Variants in ZFHX3 observed in about 807,000 individuals in gnomAD.
ZFHX3 encodes zinc finger homeobox 3, also known as zinc finger homeobox protein 3.
Under a neutral mutation model 279.1 loss-of-function variants are expected in ZFHX3, and 42 were observed. The ratio of observed to expected loss-of-function variants is 0.15; its 90% CI spans 0.12 to 0.19. ZFHX3 has a LOEUF of 0.19. ZFHX3 is among the 10% of genes least tolerant of loss of function. ZFHX3 has a pLI of 1.00. For synonymous variants in ZFHX3, 2,293 were observed against 1,957.8 expected, an observed-to-expected ratio of 1.17 and a Z score of -4.52; for missense variants, 4,981 against 4,754.0, an observed-to-expected ratio of 1.05 and a Z score of -1.40.
intron 3 of ZFHX3, among the ~76,000 whole-genome samples, chr16:73,336,379 C>T (rs893614581): frequency 1.4e-5 from 2 of 146,702 alleles, no homozygotes; most frequent in Non-Finnish European, 1.5e-5. Context: ...TGGTCCTTAC[C>T]CTCCTCCCAC....
At chr16:73,134,815 G>A (rs781659713) in intron 6 of ZFHX3, among the ~76,000 whole-genome samples, 6 of 152,050 alleles carry the variant, frequency 3.9e-5, no homozygotes, top group Non-Finnish European at 7.4e-5. Context: ...GTAAGAGGAG[G>A]TGATGTTTGC....
At chr16:73,783,991 G>A (rs781476380) in intron 1 of ZFHX3, among the ~76,000 whole-genome samples, 3 of 152,112 alleles carry the variant, frequency 2.0e-5, no homozygotes, top group Non-Finnish European at 4.4e-5. Context: ...AACAAGGAAA[G>A]GAGACAGAAG....
At chr16:73,074,455 T>C (rs1261209074) in intron 8 of ZFHX3, among the ~76,000 whole-genome samples, 1 of 152,236 alleles carries the variant, frequency 6.6e-6, no homozygotes, top group Admixed American at 6.5e-5. Context: ...ATGTTACGGA[T>C]GACCCGCTTG....
At chr16:73,740,273 C>G (rs575054112) in intron 1 of ZFHX3, among the ~76,000 whole-genome samples, 2 of 152,260 alleles carry the variant, frequency 1.3e-5, no homozygotes, top group African/African-American at 4.8e-5. Context: ...ACTGGGCTTG[C>G]TTTGTGTCAT....
At chr16:73,657,049 A>G (rs1433517142) in intron 2 of ZFHX3, among the ~76,000 whole-genome samples, 2 of 152,246 alleles carry the variant, frequency 1.3e-5, no homozygotes, top group African/African-American at 2.4e-5. Context: ...AAGTAATCAT[A>G]TTTTTCCTTT....
chr16:73,118,486 G>A (rs1966458221), intron 7 of ZFHX3, among the ~76,000 whole-genome samples: 1 of 148,268 alleles, frequency 6.7e-6, no homozygotes, highest in South Asian at 2.2e-4. Context: ...GGGATTACAG[G>A]TGTGAGCCAC....
intron 5 of ZFHX3, among the ~76,000 whole-genome samples, chr16:73,173,003 TTTTTG>T (rs1567409587): frequency 0.014 from 796 of 58,124 alleles, 70 homozygotes; most frequent in East Asian, 0.016. Context: ...TTTGTTTTTT[TTTTTG>T]TTTTTTTTTT....
At chr16:73,438,190 C>T (rs144486468) in intron 3 of ZFHX3, among the ~76,000 whole-genome samples, 1 of 152,286 alleles carries the variant, frequency 6.6e-6, no homozygotes, top group East Asian at 1.9e-4. Context: ...CTCTCCCCTG[C>T]CTGCAACTCG....
chr16:73,252,060 T>C (rs534957862), intron 5 of ZFHX3, among the ~76,000 whole-genome samples: 65 of 152,188 alleles, frequency 4.3e-4, no homozygotes, highest in African/African-American at 1.2e-3. Context: ...CTTGGGGAAT[T>C]AGCCAGTCAG....
At chr16:73,230,761 G>A (rs986353711) in intron 5 of ZFHX3, among the ~76,000 whole-genome samples, 4 of 152,320 alleles carry the variant, frequency 2.6e-5, no homozygotes, top group South Asian at 2.1e-4. Flanking sequence ...ACCTCAGCCC[G>A]TGTGATATAA....
At chr16:73,625,797 C>T (rs2052409589) in intron 2 of ZFHX3, among the ~76,000 whole-genome samples, 1 of 152,218 alleles carries the variant, frequency 6.6e-6, no homozygotes, top group South Asian at 2.1e-4. Context: ...GTCCCAGAAC[C>T]ACCGAGCAGC....
intron 2 of ZFHX3, among the ~76,000 whole-genome samples, chr16:73,532,818 C>T (rs1436471580): frequency 6.6e-6 from 1 of 152,212 alleles, no homozygotes; most frequent in East Asian, 1.9e-4. Flanking sequence ...CAGTTTCCCT[C>T]ATGCTGTTCC....
intron 3 of ZFHX3, among the ~76,000 whole-genome samples, chr16:73,373,362 C>T (rs1224465180): frequency 6.6e-6 from 1 of 152,076 alleles, no homozygotes; most frequent in Non-Finnish European, 1.5e-5. Flanking sequence ...CCCCCATTGA[C>T]CTAGGAGCCA....
At chr16:73,486,060 C>T (rs908402522) in intron 2 of ZFHX3, among the ~76,000 whole-genome samples, 3 of 152,192 alleles carry the variant, frequency 2.0e-5, no homozygotes, top group African/African-American at 7.2e-5. Flanking sequence ...TGAATGTCAT[C>T]TGATTATTCA....
intron 2 of ZFHX3, among the ~76,000 whole-genome samples, chr16:73,600,037 G>C (rs7189864): frequency 0.42 from 63,360 of 152,032 alleles, 15,708 homozygotes; most frequent in African/African-American, 0.7. Context: ...CTGGACTTTG[G>C]ATACGGAGCA....
chr16:73,187,384 G>C (rs1273655940), intron 5 of ZFHX3, among the ~76,000 whole-genome samples: 2 of 151,190 alleles, frequency 1.3e-5, no homozygotes, highest in African/African-American at 4.9e-5. Flanking sequence ...CAGCAGATCA[G>C]CCTACAGAGA....
intron 4 of ZFHX3, among the ~76,000 whole-genome samples, chr16:73,307,024 C>G (rs1183653587): frequency 6.6e-6 from 1 of 152,216 alleles, no homozygotes. Flanking sequence ...GACCACAAAA[C>G]TGACAACATA....
chr16:73,165,098 C>T lies in ZFHX3; in HGVS notation c.-1103-21267G>A, dbSNP rs181515566. ...GAAACGTCCATGCTCTTTGACATGACGAGGTCAGATTTAGAAAGCTGTGAA... is the reference window on the plus strand; with the variant it reads ...GAAACGTCCATGCTCTTTGACATGATGAGGTCAGATTTAGAAAGCTGTGAA... On this transcript the variant is annotated intron_variant, in intron 5 of 17. Coordinates refer to the ZFHX3 transcript ENST00000641206. Among the ~76,000 whole-genome samples the T allele has an allele frequency of 9.2e-4, 140 of 152,278 alleles. 1 individual carries two copies. The highest frequency in any genetic ancestry group is 4.9e-4 in the Non-Finnish European group (33 of 68,030).
chr16:73,556,868 G>C (rs1276478876), intron 2 of ZFHX3, among the ~76,000 whole-genome samples: 1 of 151,966 alleles, frequency 6.6e-6, no homozygotes, highest in Admixed American at 6.6e-5. Flanking sequence ...GGCCGAGACA[G>C]GCAGATCACG....
Sources: gnomAD v4.1 joint callset for allele counts (sites outside exome capture counted in the v4.1 genomes callset) on GRCh38, gnomAD v4.1.1 for gene constraint, MANE v1.5 for transcripts, NCBI Gene and HGNC (gene_info 2026-07-23, HGNC 2026-07-21) for gene names.